Variants in DLGAP2 observed in about 807,000 individuals in gnomAD.
DLGAP2 encodes the protein DLG associated protein 2.
Under a neutral mutation model 100.3 loss-of-function variants are expected in DLGAP2, and 26 were observed. The ratio of observed to expected loss-of-function variants is 0.26; its 90% confidence interval spans 0.19 to 0.36. The LOEUF (loss-of-function observed/expected upper bound fraction) is 0.36, where lower values mean the gene tolerates loss of function less well. Among genes scored for constraint, DLGAP2 ranks in the 10% least tolerant of loss-of-function variants. DLGAP2 has a pLI of 1.00. For synonymous variants in DLGAP2, 886 were observed against 630.1 expected (o/e 1.41, Z -6.08); for missense variants, 1,858 against 1,453.2 (o/e 1.28, Z -4.53).
intron 1 of DLGAP2, among the ~76,000 whole-genome samples, chr8:853,318 T>G (rs1797215545): frequency 6.6e-6 from 1 of 152,204 alleles, no homozygotes; most frequent in Non-Finnish European, 1.5e-5. Flanking sequence ...AGGAGGGGCT[T>G]GGTTCTGCCA....
chr8:1,118,549 G>GGCTGCTGCTGCTGCTGCTGCTGCT (rs367619218), intron 2 of DLGAP2, among the ~76,000 whole-genome samples: 4 of 151,700 alleles, frequency 2.6e-5, no homozygotes, highest in African/African-American at 4.8e-5. Flanking sequence ...AAATGAATGG[G>GGCTGCTGCTGCTGCTGCTGCTGCT]GCTGCTGCTG....
chr8:1,417,639 G>C (rs35293493), intron 3 of DLGAP2, among the ~76,000 whole-genome samples: 9,011 of 114,060 alleles, frequency 0.079, 893 homozygotes, highest in African/African-American at 0.14. Context: ...CTCCAGGGGG[G>C]CACGGGGAGC....
intron 3 of DLGAP2, among the ~76,000 whole-genome samples, chr8:1,479,294 G>A (rs1313785604): frequency 6.6e-6 from 1 of 152,240 alleles, no homozygotes; most frequent in African/African-American, 2.4e-5. Context: ...GGTGGGGACA[G>A]AATAAGATGC....
chr8:1,432,232 A>T (rs1023785016), intron 3 of DLGAP2, among the ~76,000 whole-genome samples: 3 of 152,242 alleles, frequency 2.0e-5, no homozygotes, highest in African/African-American at 4.8e-5. Context: ...AGTGGCTAAG[A>T]TGAAGATTGC....
At chr8:1,018,255 C>T (rs2129023562) in intron 2 of DLGAP2, among the ~76,000 whole-genome samples, 1 of 152,272 alleles carries the variant, frequency 6.6e-6, no homozygotes, top group East Asian at 1.9e-4. Context: ...CAGACTCTGA[C>T]ACCATAGGAC....
chr8:1,058,286 T>C (rs142452188), intron 2 of DLGAP2, among the ~76,000 whole-genome samples: 2 of 152,294 alleles, frequency 1.3e-5, no homozygotes, highest in African/African-American at 4.8e-5. Context: ...TACAAATAGA[T>C]AATCACTCAC....
At chr8:820,614 A>C (rs1206265283) in intron 1 of DLGAP2, among the ~76,000 whole-genome samples, 1 of 152,202 alleles carries the variant, frequency 6.6e-6, no homozygotes, top group Non-Finnish European at 1.5e-5. Context: ...TTTCCACCAG[A>C]GGCAAAAGCA....
chr8:1,066,480 A>C (rs1585028413), intron 2 of DLGAP2, among the ~76,000 whole-genome samples: 3 of 87,622 alleles, frequency 3.4e-5, no homozygotes, highest in African/African-American at 4.6e-5. Context: ...ATGAGGACAG[A>C]GCCCCACCAC....
intron 2 of DLGAP2, among the ~76,000 whole-genome samples, chr8:1,059,479 C>G (rs375613678): frequency 6.6e-6 from 1 of 152,278 alleles, no homozygotes; most frequent in African/African-American, 2.4e-5. Context: ...GCTCCAGCCT[C>G]GGGCTGCAAG....
Position 1,646,981 on chromosome 8 carries a change from G to T in DLGAP2, c.1810+13935G>T, listed in dbSNP as rs4256621. ...GCACAGGGCAGAGGCAGAGGTGAGCGGACAGTGGAGGAGGATCCAGGACTT... is the reference window on the plus strand; with the variant it reads ...GCACAGGGCAGAGGCAGAGGTGAGCTGACAGTGGAGGAGGATCCAGGACTT... On this transcript the variant is annotated intron_variant, in intron 8 of 14. Coordinates refer to ENST00000637795, the MANE Select transcript of DLGAP2 (RefSeq NM_001346810.2). Among the ~76,000 whole-genome samples the T allele has an allele frequency of 4.5e-3, 691 of 152,142 alleles. 4 individuals are homozygous for T. The highest frequency in any genetic ancestry group is 0.016 in the African/African-American group (665 of 41,534).
intron 1 of DLGAP2, among the ~76,000 whole-genome samples, chr8:774,192 G>A (rs1284354700): frequency 6.6e-6 from 1 of 152,082 alleles, no homozygotes; most frequent in Non-Finnish European, 1.5e-5. Flanking sequence ...TTTTGATGAG[G>A]TTGTTTGTTT....
chr8:1,695,083 C>G (rs956612596), intron 13 of DLGAP2, among the ~76,000 whole-genome samples: 5 of 152,224 alleles, frequency 3.3e-5, no homozygotes, highest in Non-Finnish European at 7.3e-5. Context: ...CAGGCAGCCT[C>G]TGCCACAGTG....
Position 1,255,029 on chromosome 8 carries a change from C to CTCA in DLGAP2, c.74-3820_74-3819insATC, listed in dbSNP as rs57766960. Among the ~76,000 whole-genome samples the CTCA allele has an allele frequency of 3.9e-3, 413 of 107,268 alleles. 15 individuals carry two copies. Among genetic ancestry groups the CTCA allele is most frequent in the African/African-American group, 7.4e-3 (207 of 27,890 alleles). 70.4% of individuals were successfully genotyped at this position (107,268 alleles called of 152,430 possible). On this transcript the variant is annotated intron_variant, in intron 2 of 14. Transcript: ENST00000637795. ...TGCTTGGGCGCTGTGTGTGTGTCTTCTCCTGCCCAGCCGCTGTGTGTGTGT... is the reference window on the plus strand; with the variant it reads ...TGCTTGGGCGCTGTGTGTGTGTCTTCTCATCCTGCCCAGCCGCTGTGTGTGTGT...
intron 2 of DLGAP2, among the ~76,000 whole-genome samples, chr8:959,104 C>T (rs1253364472): frequency 6.6e-6 from 1 of 152,104 alleles, no homozygotes; most frequent in Non-Finnish European, 1.5e-5. Context: ...TGACTAAAAG[C>T]TAACAGTAAT....
intron 3 of DLGAP2, among the ~76,000 whole-genome samples, chr8:1,460,832 C>A (rs1477321880): frequency 1.3e-5 from 2 of 152,144 alleles, no homozygotes; most frequent in Non-Finnish European, 2.9e-5. Context: ...AACCTGGAGA[C>A]CAGCCCTACT....
intron 2 of DLGAP2, among the ~76,000 whole-genome samples, chr8:951,528 G>T (rs1051613649): frequency 3.3e-5 from 5 of 152,254 alleles, no homozygotes. Context: ...TGGGATTACA[G>T]GCGTGAGCCA....
intron 4 of DLGAP2, among the ~76,000 whole-genome samples, chr8:1,501,644 C>T (rs1183273060): frequency 6.6e-6 from 1 of 152,196 alleles, no homozygotes; most frequent in East Asian, 1.9e-4. Context: ...TGCTCCTGGC[C>T]CTCAGGAACT....
chr8:1,502,458 A>C (rs1368582807), intron 4 of DLGAP2, among the ~76,000 whole-genome samples: 3 of 152,234 alleles, frequency 2.0e-5, no homozygotes, highest in African/African-American at 7.2e-5. Context: ...TTTCAATATA[A>C]GATGATGGAA....
At chr8:752,043 C>G (rs1409558283) in intron 1 of DLGAP2, among the ~76,000 whole-genome samples, 3 of 152,238 alleles carry the variant, frequency 2.0e-5, no homozygotes, top group African/African-American at 4.8e-5. Flanking sequence ...GGGTCTCCCT[C>G]CAGGGCTCTG....
Sources: gnomAD v4.1 joint callset for allele counts (sites outside exome capture counted in the v4.1 genomes callset) on GRCh38, gnomAD v4.1.1 for gene constraint, MANE v1.5 for transcripts, NCBI Gene and HGNC (gene_info 2026-07-23, HGNC 2026-07-21) for gene names.